DHRS4: variants seen among roughly 807,000 people sequenced by gnomAD.
The protein encoded by DHRS4 is dehydrogenase/reductase SDR family member 4.
A neutral mutation model predicts 28.4 loss-of-function variants in DHRS4; 20 were observed. The ratio of observed to expected loss-of-function variants is 0.71; its 90% CI spans 0.50 to 1.02. The LOEUF is 1.02. Among genes scored for constraint, DHRS4 ranks in the 50% least tolerant of loss-of-function variants. The probability of loss-of-function intolerance (pLI) is 0.00; values close to 1 mark genes in which losing one functional copy is unlikely to be tolerated. For missense variants in DHRS4, 378 were observed against 367.2 expected (o/e 1.03, Z -0.24); for synonymous variants, 144 against 146.4 (o/e 0.98, Z 0.12).
chr14:23,956,883 G>A (rs1298103279), intron 2 of DHRS4, among the ~76,000 whole-genome samples: 5 of 152,104 alleles, frequency 3.3e-5, no homozygotes, highest in Admixed American at 6.5e-5. Context: ...GATTACAGGC[G>A]TGAGCCACTG....
rs756725350 is a variant in DHRS4 at position 23,955,050 on chromosome 14, C to T, written c.144C>T (p.Ile48=). 4.3e-6 allele frequency: 7 copies of T among 1,614,184 alleles called. No homozygotes were observed. Among genetic ancestry groups the T allele is most frequent in the Non-Finnish European group, 5.9e-6 (7 of 1,179,996 alleles). ...CTGCTCACAGGATCGGCTTCGCCAT[C>T]GCCCGGCGTTTGGCCCAGGACGGGG... The part of the protein sequence containing the change: ...TASTDGIGFA[I]ARRLAQDGAH... The change falls in exon 2 of 8, where the codon ATC becomes ATT. Residue 48 remains isoleucine, a synonymous_variant. Transcript: ENST00000313250.
At chr14:23,960,255 T>C (rs550261013) in intron 3 of DHRS4, among the ~76,000 whole-genome samples, 29 of 152,112 alleles carry the variant, frequency 1.9e-4, no homozygotes, top group East Asian at 7.7e-4. Context: ...AGTCTGCTCC[T>C]CTCCCCAGGC....
At chr14:23,959,827 A>G in intron 2 of DHRS4, 75 bp from the exon 3 acceptor site, 1 of 1,543,246 alleles carries the variant, frequency 6.5e-7, no homozygotes, top group Non-Finnish European at 8.9e-7. Flanking sequence ...CCCAGAAGGA[A>G]GTTTTTATCA....
intron 2 of DHRS4, among the ~76,000 whole-genome samples, chr14:23,957,892 C>T (rs547746177): frequency 1.3e-5 from 2 of 149,974 alleles, no homozygotes; most frequent in Admixed American, 6.7e-5. Flanking sequence ...TCAATCAAAA[C>T]CCAGCCTCCT....
chr14:23,955,199 G>T lies in DHRS4; in HGVS notation c.293G>T (p.Arg98Leu), dbSNP rs1188330789. ...GTGGGGAAGGCGGAGGACCGGGAGC[G>T]GCTGGTGGCCACGGTGAGCTGCAGG... ...CHVGKAEDRE[R>L]LVATAVKLHG... The change falls in exon 2 of 8, where the codon CGG becomes CTG. Residue 98 changes from arginine to leucine, a missense_variant. By Grantham distance (102) the Arg-to-Leu change is moderately radical. Transcript: ENST00000313250. 1 of 1,613,102 alleles carries T rather than the reference G, an allele frequency of 6.2e-7. No homozygotes were observed. Among genetic ancestry groups the T allele is most frequent in the Non-Finnish European group, 8.5e-7 (1 of 1,179,578 alleles).
chr14:23,968,497 C>T (rs925660921), intron 7 of DHRS4, among the ~76,000 whole-genome samples: 1 of 150,476 alleles, frequency 6.6e-6, no homozygotes, highest in Non-Finnish European at 1.5e-5. Flanking sequence ...TTTTGGTGTC[C>T]TGAGCTCTCT....
At position 23,953,779 on chromosome 14, in the gene DHRS4, G is replaced by T. The variant is rs1286192009; in HGVS notation, c.-10G>T. The stretch of plus-strand genomic sequence containing the variant: ...GGGAAGAGTGGAACCCATACTTGCT[G>T]GTCTGATCCATGCACAAGGCGGGGC... On this transcript the variant is annotated 5_prime_UTR_variant, in exon 1 of 8. Coordinates refer to ENST00000313250, the MANE Select transcript of DHRS4 (RefSeq NM_021004.4). 2 of 1,613,962 alleles carry T rather than the reference G, an allele frequency of 1.2e-6. No individual in the cohort carries two copies. The highest frequency in any genetic ancestry group is 8.5e-7 in the Non-Finnish European group (1 of 1,179,938).
intron 2 of DHRS4, 96 bp from the exon 3 acceptor site, chr14:23,959,806 A>G (rs2033333535): frequency 7.0e-7 from 1 of 1,435,784 alleles, no homozygotes. Context: ...GGCATGAGCC[A>G]CAGCTCCTTG....
chr14:23,968,729 C>A, intron 7 of DHRS4, 28 bp from the exon 8 acceptor site: 1 of 1,603,996 alleles, frequency 6.2e-7, no homozygotes, highest in East Asian at 2.3e-5. Context: ...TGATTTTTAC[C>A]TCCTTCCTTG....
chr14:23,964,416 G>T (rs1351396270), intron 3 of DHRS4, among the ~76,000 whole-genome samples: 1 of 144,068 alleles, frequency 6.9e-6, no homozygotes, highest in East Asian at 2.0e-4. Context: ...GGATAATTGA[G>T]GCCAATATGT....
chr14:23,963,946 GGA>G (rs1335053172), intron 3 of DHRS4, among the ~76,000 whole-genome samples: 1 of 151,160 alleles, frequency 6.6e-6, no homozygotes, highest in African/African-American at 2.5e-5. Context: ...CCACAGAGAG[GGA>G]GAGAGATGAG....
chr14:23,959,962 T>C lies in DHRS4; in HGVS notation c.367T>C (p.Phe123Leu), dbSNP rs764633762. ...CTCCAATGCTGCTGTCAACCCTTTC[T>C]TTGGAAGCATAATGGATGTCACTGA... ...LVSNAAVNPFFGSIMDVTEEV... is the reference protein window; with the variant it reads ...LVSNAAVNPFLGSIMDVTEEV... Residue 123 changes from phenylalanine (F) to leucine (L), a missense_variant, in exon 3 of 8, where the codon TTT (phenylalanine) becomes CTT (leucine). By Grantham distance (22) the Phe-to-Leu change is conservative. Transcript: ENST00000313250. The C allele has an allele frequency of 8.7e-6, 14 of 1,612,138 alleles. No individual in the cohort carries two copies. The highest frequency in any genetic ancestry group is 1.2e-5 in the Non-Finnish European group (14 of 1,179,986).
chr14:23,963,629 TTCTC>T (rs2033501765), intron 3 of DHRS4, among the ~76,000 whole-genome samples: 1 of 147,992 alleles, frequency 6.8e-6, no homozygotes, highest in African/African-American at 2.6e-5. Flanking sequence ...CATAAGAACT[TTCTC>T]TCCATATTAA....
intron 3 of DHRS4, among the ~76,000 whole-genome samples, chr14:23,960,648 A>C (rs2033382683): frequency 1.3e-5 from 2 of 152,028 alleles, no homozygotes; most frequent in Non-Finnish European, 2.9e-5. Flanking sequence ...CTCTTTAATT[A>C]CAAAGCTTTA....
Position 23,955,232 on chromosome 14 carries a change from G to T in DHRS4, c.306+20G>T, listed in dbSNP as rs376438168. 1.4e-3 allele frequency: 2,310 copies of T among 1,607,436 alleles called. 3 individuals carry two copies. The highest frequency in any genetic ancestry group is 1.8e-3 in the Non-Finnish European group (2,137 of 1,176,778). On this transcript the variant is annotated intron_variant, in intron 2 of 7. Coordinates refer to ENST00000313250, the MANE Select transcript of DHRS4 (RefSeq NM_021004.4). ...GCCACGGTGAGCTGCAGGGAAATGG[G>T]CACAGAGCCAGGAGGTGGAAAACGG...
intron 3 of DHRS4, among the ~76,000 whole-genome samples, chr14:23,963,741 A>G (rs1272275169): frequency 2.0e-5 from 3 of 148,102 alleles, no homozygotes; most frequent in Non-Finnish European, 4.4e-5. Flanking sequence ...CAATTTGGCT[A>G]ACTGGTGCAC....
In DHRS4 at chr14:23,953,787, C is replaced by T. The variant is rs749263480; in HGVS notation, c.-2C>T. The T allele has an allele frequency of 1.9e-6, 3 of 1,614,004 alleles. No homozygotes were observed. The South Asian group carries it at 3.3e-5, about 18-fold the overall frequency. ...TGGAACCCATACTTGCTGGTCTGAT[C>T]CATGCACAAGGCGGGGCTGCTAGGC... On this transcript the variant is annotated 5_prime_UTR_variant, in exon 1 of 8. Transcript: ENST00000313250.
At position 23,955,042 on chromosome 14, in the gene DHRS4, T is replaced by C. The variant is rs755742493; in HGVS notation, c.136T>C (p.Phe46Leu). 4.3e-6 allele frequency: 7 copies of C among 1,614,052 alleles called. No homozygotes were observed. The highest frequency in any genetic ancestry group is 1.6e-4 in the Middle Eastern group (1 of 6,082). ...GTCTCTTTCTGCTCACAGGATCGGC[T>C]TCGCCATCGCCCGGCGTTTGGCCCA... Reference protein sequence around the residue: ...LVTASTDGIGFAIARRLAQDG... With the variant: ...LVTASTDGIGLAIARRLAQDG... The change falls in exon 2 of 8, where the codon TTC (phenylalanine) becomes CTC (leucine). Residue 46 changes from phenylalanine (F) to leucine (L), a missense_variant. Transcript: ENST00000313250.
Position 23,965,960 on chromosome 14 carries a change from A to G in DHRS4, c.508A>G (p.Ile170Val). 6.2e-7 allele frequency: 1 copy of G among 1,610,322 alleles called. No individual in the cohort carries two copies. The highest frequency in any genetic ancestry group is 8.5e-7 in the Non-Finnish European group (1 of 1,177,726). Residue 170 changes from isoleucine to valine, a missense_variant, in exon 5 of 8, where the codon ATA becomes GTA. Physicochemically the swap from Ile to Val is conservative, Grantham distance 29. Coordinates refer to ENST00000313250, the MANE Select transcript of DHRS4 (RefSeq NM_021004.4). ...GGGSVVIVSSIAAFSPSPGFS... is the reference protein window; with the variant it reads ...GGGSVVIVSSVAAFSPSPGFS... Reference sequence around the variant, plus strand: ...CGGCTCAGTGGTGATCGTGTCTTCCATAGCAGCCTTCAGTCCATCTCCTGT... The same window carrying G: ...CGGCTCAGTGGTGATCGTGTCTTCCGTAGCAGCCTTCAGTCCATCTCCTGT...
Sources: allele counts gnomAD v4.1 joint callset (sites outside exome capture counted in the v4.1 genomes callset), GRCh38; gene constraint gnomAD v4.1.1; transcripts MANE v1.5; gene names NCBI Gene and HGNC (gene_info 2026-07-23, HGNC 2026-07-21).